The following WDR7 variants were observed in gnomAD, a reference collection of about 807,000 sequenced individuals.
WDR7 encodes the protein WD repeat-containing protein 7.
Under a neutral mutation model 169.4 loss-of-function variants are expected in WDR7, and 46 were observed. The ratio of observed to expected loss-of-function variants is 0.27; its 90% CI spans 0.21 to 0.35. The LOEUF is 0.35. WDR7 is among the 10% of genes least tolerant of loss of function. WDR7 has a pLI of 1.00. For synonymous variants in WDR7, 612 were observed against 666.8 expected, an observed-to-expected ratio of 0.92 and a Z score of 1.27; for missense variants, 1,534 against 1,859.3, an observed-to-expected ratio of 0.83 and a Z score of 3.22.
intron 20 of WDR7, among the ~76,000 whole-genome samples, chr18:56,855,336 C>G (rs906541667): frequency 1.3e-5 from 2 of 152,014 alleles, no homozygotes; most frequent in Non-Finnish European, 2.9e-5. Flanking sequence ...AGTATACTCT[C>G]TCAGCTTGTA....
intron 26 of WDR7, among the ~76,000 whole-genome samples, chr18:57,017,210 T>C (rs1055195096): frequency 6.6e-6 from 1 of 152,158 alleles, no homozygotes; most frequent in African/African-American, 2.4e-5. Context: ...ACAGTGAGGG[T>C]TGAAGCACCT....
At chr18:56,873,334 G>C (rs1003388951) in intron 20 of WDR7, among the ~76,000 whole-genome samples, 1 of 152,014 alleles carries the variant, frequency 6.6e-6, no homozygotes, top group African/African-American at 2.4e-5. Flanking sequence ...CTTAGCAGAG[G>C]GTACCTGTTA....
chr18:56,844,683 G>A (rs2045542056), intron 20 of WDR7, among the ~76,000 whole-genome samples: 1 of 152,200 alleles, frequency 6.6e-6, no homozygotes, highest in Non-Finnish European at 1.5e-5. Flanking sequence ...GCCTTACAAG[G>A]CTAAAGGCTA....
intron 16 of WDR7, among the ~76,000 whole-genome samples, chr18:56,760,411 CTA>C (rs1256301397): frequency 6.6e-6 from 1 of 151,780 alleles, no homozygotes; most frequent in Non-Finnish European, 1.5e-5. Context: ...TTAATTTTGC[CTA>C]TCTTTTAAGT....
At chr18:56,980,383 C>T (rs2047624607) in intron 26 of WDR7, among the ~76,000 whole-genome samples, 1 of 152,066 alleles carries the variant, frequency 6.6e-6, no homozygotes, top group African/African-American at 2.4e-5. Flanking sequence ...TGTAGAAGCC[C>T]AAGACATATG....
chr18:56,958,395 C>T (rs1245072705), intron 25 of WDR7, among the ~76,000 whole-genome samples: 1 of 152,044 alleles, frequency 6.6e-6, no homozygotes, highest in African/African-American at 2.4e-5. Flanking sequence ...ATAATGGCAT[C>T]AAAATGATAC....
chr18:56,885,657 TA>T (rs56039100), intron 21 of WDR7, among the ~76,000 whole-genome samples: 8 of 146,524 alleles, frequency 5.5e-5, no homozygotes, highest in African/African-American at 5.0e-5. Flanking sequence ...CTGTCTCTAC[TA>T]AAAAAAAAAA....
chr18:56,659,744 G>A (rs2024863840), intron 1 of WDR7, among the ~76,000 whole-genome samples: 1 of 152,158 alleles, frequency 6.6e-6, no homozygotes, highest in South Asian at 2.1e-4. Context: ...AGTAAGCAAG[G>A]GAGAGAACAA....
intron 20 of WDR7, among the ~76,000 whole-genome samples, chr18:56,847,043 A>C (rs144599515): frequency 6.6e-6 from 1 of 152,328 alleles, no homozygotes; most frequent in East Asian, 1.9e-4. Flanking sequence ...GCTCAGAAGA[A>C]GACAGAAGAT....
intron 26 of WDR7, among the ~76,000 whole-genome samples, chr18:56,995,618 A>G (rs1170052976): frequency 1.3e-5 from 2 of 152,034 alleles, no homozygotes; most frequent in East Asian, 3.9e-4. Flanking sequence ...TTCATCCTCC[A>G]CCTCCAGTCA....
intron 1 of WDR7, among the ~76,000 whole-genome samples, chr18:56,661,688 G>T (rs1371594014): frequency 6.6e-6 from 1 of 152,166 alleles, no homozygotes; most frequent in Non-Finnish European, 1.5e-5. Context: ...AGCTGCTTAA[G>T]TGTTCAGAAG....
At chr18:56,787,183 C>A (rs576865861) in intron 19 of WDR7, among the ~76,000 whole-genome samples, 2 of 152,012 alleles carry the variant, frequency 1.3e-5, no homozygotes, top group East Asian at 3.9e-4. Flanking sequence ...CCACACTTGC[C>A]CTTCATTTCA....
At chr18:56,708,661 G>A (rs1265974420) in intron 12 of WDR7, among the ~76,000 whole-genome samples, 2 of 152,072 alleles carry the variant, frequency 1.3e-5, no homozygotes, top group Admixed American at 6.5e-5. Flanking sequence ...AAGGTCAGGC[G>A]CGGTGGCTGA....
intron 22 of WDR7, among the ~76,000 whole-genome samples, chr18:56,929,327 C>G (rs2046849381): frequency 6.6e-6 from 1 of 152,038 alleles, no homozygotes; most frequent in Admixed American, 6.6e-5. Flanking sequence ...ATTGTAAAAG[C>G]CTTATTTACA....
Position 56,856,187 on chromosome 18 carries a change from G to A in WDR7, c.3305-23757G>A, listed in dbSNP as rs1201588841. On this transcript the variant is annotated intron_variant, in intron 20 of 27. Coordinates refer to ENST00000254442, the MANE Select transcript of WDR7 (RefSeq NM_015285.3). Reference sequence around the variant, plus strand: ...GAGAGCTCTGCCTCACAGCAGATGGGCCTTTGTGTATATTTATTCTACAGA... The same window carrying A: ...GAGAGCTCTGCCTCACAGCAGATGGACCTTTGTGTATATTTATTCTACAGA... Among the ~76,000 whole-genome samples, 4 of 152,224 alleles carry A rather than the reference G, an allele frequency of 2.6e-5. No homozygotes were observed. The East Asian group carries it at 5.8e-4, about 22-fold the overall frequency.
chr18:56,976,382 G>A (rs750073978), intron 26 of WDR7, among the ~76,000 whole-genome samples: 1 of 152,144 alleles, frequency 6.6e-6, no homozygotes, highest in South Asian at 2.1e-4. Flanking sequence ...TTAGGTATGG[G>A]CAGGAATTTT....
In WDR7 at chr18:56,877,930, T is replaced by G. The variant is rs113622722; in HGVS notation, c.3305-2014T>G. ...GAAACCTTTGGAAAAACATCAGTAT[T>G]TTATAAGGTTCATTAGTTGTGTACA... is the stretch of plus-strand genomic sequence containing the variant. On this transcript the variant is annotated intron_variant, in intron 20 of 27. Coordinates refer to ENST00000254442, the MANE Select transcript of WDR7 (RefSeq NM_015285.3). Among the ~76,000 whole-genome samples, 331 of 152,280 alleles carry G rather than the reference T, an allele frequency of 2.2e-3. 3 individuals are homozygous for G. The highest frequency in any genetic ancestry group is 7.7e-3 in the African/African-American group (320 of 41,580).
At chr18:56,741,425 C>G (rs942909089) in intron 14 of WDR7, among the ~76,000 whole-genome samples, 1 of 152,218 alleles carries the variant, frequency 6.6e-6, no homozygotes, top group African/African-American at 2.4e-5. Context: ...GATCTTTCCC[C>G]CAGATAATAC....
intron 18 of WDR7, among the ~76,000 whole-genome samples, chr18:56,780,630 T>C (rs1258782977): frequency 6.6e-6 from 1 of 151,144 alleles, no homozygotes; most frequent in Non-Finnish European, 1.5e-5. Flanking sequence ...ACCCTGTCTC[T>C]ACTAAAAATA....
Sources: allele counts gnomAD v4.1 joint callset (sites outside exome capture counted in the v4.1 genomes callset), GRCh38; gene constraint gnomAD v4.1.1; transcripts MANE v1.5; gene names NCBI Gene and HGNC (gene_info 2026-07-23, HGNC 2026-07-21).